CPD: variants seen among roughly 807,000 people sequenced by gnomAD.
CPD encodes the protein carboxypeptidase D, also known as metallocarboxypeptidase D.
In CPD, 69 loss-of-function variants were observed where a neutral mutation model predicts 138.3. That is an observed-to-expected ratio of 0.50 (90% confidence interval 0.41 to 0.61). CPD has a LOEUF of 0.61. Among genes scored for constraint, CPD ranks in the 20% least tolerant of loss-of-function variants. The pLI is 0.00. For synonymous variants in CPD, 651 were observed against 642.1 expected (o/e 1.01, Z -0.21); for missense variants, 1,432 against 1,733.3 (o/e 0.83, Z 3.09).
chr17:30,462,858 G>T (rs1305512054), intron 20 of CPD, among the ~76,000 whole-genome samples: 1 of 152,202 alleles, frequency 6.6e-6, no homozygotes, highest in East Asian at 1.9e-4. Context: ...TTAGCTGAAA[G>T]TATCCTTTAT....
In CPD at chr17:30,379,534, A is replaced by G; in HGVS notation, c.554A>G (p.Asp185Gly). 2.6e-6 allele frequency: 4 copies of G among 1,561,552 alleles called. No individual in the cohort carries two copies. Among genetic ancestry groups the G allele is most frequent in the Non-Finnish European group, 3.4e-6 (4 of 1,160,376 alleles). The stretch of plus-strand genomic sequence containing the variant: ...TACCTGCTGCCCAGCCTCAACCCCG[A>G]TGGCTTCGAGCGTGCCCGCGAGGGC... ...DVYLLPSLNP[D>G]GFERAREGDC... The change falls in exon 1 of 21, where the codon GAT becomes GGT. Residue 185 changes from aspartate (D) to glycine (G), a missense_variant. This residue lies in a region of CPD where 484 missense variants were observed against 477.2 expected (regional missense o/e 1.01). Transcript: ENST00000225719. The surrounding 1 kb of genome is among the most constrained non-coding windows in gnomAD (Gnocchi z 7.0).
intron 2 of CPD, among the ~76,000 whole-genome samples, chr17:30,410,397 A>G (rs532517068): frequency 7.2e-5 from 11 of 152,284 alleles, no homozygotes; most frequent in African/African-American, 2.6e-4. Context: ...GCTGAGTTCA[A>G]TTCCTGGATA....
At chr17:30,457,149 G>A (rs1913322660) in intron 17 of CPD, among the ~76,000 whole-genome samples, 1 of 152,006 alleles carries the variant, frequency 6.6e-6, no homozygotes, top group Non-Finnish European at 1.5e-5. Context: ...CCTCTCCCAC[G>A]GCTCCTGGAA....
intron 8 of CPD, among the ~76,000 whole-genome samples, chr17:30,435,278 A>G (rs1377414128): frequency 1.3e-5 from 2 of 152,182 alleles, no homozygotes; most frequent in Admixed American, 6.5e-5. Context: ...AGTAATTAAG[A>G]CAGTGTGGTA....
intron 20 of CPD, 44 bp from the exon 21 acceptor site, chr17:30,464,544 C>A: frequency 6.6e-7 from 1 of 1,516,300 alleles, no homozygotes; most frequent in Non-Finnish European, 9.1e-7. Context: ...TTATTAATAT[C>A]CTTAAAGTAT....
At chr17:30,423,409 T>G in intron 5 of CPD, 97 bp from the exon 6 acceptor site, 1 of 886,804 alleles carries the variant, frequency 1.1e-6, no homozygotes, top group Non-Finnish European at 1.6e-6. Context: ...GTTTAAAAAA[T>G]TTTTTAGTAT....
chr17:30,429,002 G>C (rs529291506), intron 7 of CPD, among the ~76,000 whole-genome samples: 2 of 152,210 alleles, frequency 1.3e-5, no homozygotes, highest in South Asian at 4.2e-4. Flanking sequence ...AGAGTAGCCT[G>C]CCATTTTAGA....
At chr17:30,434,152 A>G (rs1351951051) in intron 8 of CPD, among the ~76,000 whole-genome samples, 1 of 152,210 alleles carries the variant, frequency 6.6e-6, no homozygotes, top group Non-Finnish European at 1.5e-5. Flanking sequence ...GCAGCCAAAG[A>G]CAATGATGGC....
chr17:30,462,326 C>T (rs951524268), intron 19 of CPD, 44 bp from the exon 20 acceptor site: 6 of 1,502,562 alleles, frequency 4.0e-6, no homozygotes, highest in Admixed American at 3.4e-5. Context: ...ATACAGTACA[C>T]CTTAAGCAGA....
chr17:30,410,233 G>T (rs561423351), intron 2 of CPD, among the ~76,000 whole-genome samples: 3 of 152,122 alleles, frequency 2.0e-5, no homozygotes, highest in South Asian at 4.2e-4. Context: ...AGTTTGTTGT[G>T]ATTTCTGTTC....
Position 30,464,748 on chromosome 17 carries a change from C to T in CPD, c.4077C>T (p.Leu1359=), listed in dbSNP as rs868125484. The T allele has an allele frequency of 6.2e-7, 1 of 1,614,000 alleles. No individual in the cohort carries two copies. The highest frequency in any genetic ancestry group is 1.1e-5 in the South Asian group (1 of 91,072). Residue 1359 remains leucine, a synonymous_variant, in exon 21 of 21, where the codon CTC becomes CTT. Coordinates refer to ENST00000225719, the MANE Select transcript of CPD (RefSeq NM_001304.5). ...RMMSTGSKKS[L]LSHEFQDETD... Reference sequence around the variant, plus strand: ...TGTCTACCGGCTCCAAGAAGTCCCTCCTAAGCCATGAGTTCCAGGATGAAA... The same window carrying T: ...TGTCTACCGGCTCCAAGAAGTCCCTTCTAAGCCATGAGTTCCAGGATGAAA...
chr17:30,456,199 TGGG>T (rs1567884091), intron 15 of CPD, 54 bp from the exon 16 acceptor site: 3 of 1,401,844 alleles, frequency 2.1e-6, no homozygotes, highest in Non-Finnish European at 3.0e-6. Context: ...AAGGTTAACT[TGGG>T]GGAAAAAAAT....
intron 1 of CPD, among the ~76,000 whole-genome samples, chr17:30,381,852 C>T (rs151075868): frequency 9.3e-5 from 14 of 151,248 alleles, no homozygotes; most frequent in South Asian, 4.1e-4. Flanking sequence ...GTTGTTATTT[C>T]GAATATGTAA....
intron 2 of CPD, among the ~76,000 whole-genome samples, chr17:30,389,090 A>G (rs1911276417): frequency 6.6e-6 from 1 of 151,364 alleles, no homozygotes; most frequent in African/African-American, 2.4e-5. Context: ...TGACTACATT[A>G]CTCCCCCGCT....
intron 7 of CPD, among the ~76,000 whole-genome samples, chr17:30,431,023 C>T (rs1287019414): frequency 1.3e-5 from 2 of 152,164 alleles, no homozygotes; most frequent in Admixed American, 6.5e-5. Context: ...CCATGTTAAG[C>T]TTTTTGAGGA....
At chr17:30,449,068 A>G (rs191921117) in intron 12 of CPD, among the ~76,000 whole-genome samples, 1 of 152,252 alleles carries the variant, frequency 6.6e-6, no homozygotes, top group African/African-American at 2.4e-5. Context: ...TGATCAAGCC[A>G]TTGCATTCCA....
At chr17:30,391,581 G>T (rs1174206293) in intron 2 of CPD, among the ~76,000 whole-genome samples, 1 of 152,178 alleles carries the variant, frequency 6.6e-6, no homozygotes, top group Admixed American at 6.5e-5. Flanking sequence ...ACAGTAGAAG[G>T]CAGTGCAATG....
intron 2 of CPD, among the ~76,000 whole-genome samples, chr17:30,418,175 A>G (rs1037207038): frequency 2.9e-5 from 4 of 136,182 alleles, no homozygotes; most frequent in African/African-American, 1.0e-4. Flanking sequence ...TCTATTATTA[A>G]TATCATTTTT....
chr17:30,395,822 T>G (rs931232917), intron 2 of CPD, among the ~76,000 whole-genome samples: 2 of 152,068 alleles, frequency 1.3e-5, no homozygotes, highest in Non-Finnish European at 2.9e-5. Context: ...ACTGTGTAAT[T>G]TAGTTTAACT....
Sources: gnomAD v4.1 joint callset for allele counts (sites outside exome capture counted in the v4.1 genomes callset) on GRCh38, gnomAD v4.1.1 for gene constraint, gnomAD v4.1.1 regional missense constraint, Gnocchi (gnomAD v3.1) non-coding constraint, MANE v1.5 for transcripts, NCBI Gene and HGNC (gene_info 2026-07-23, HGNC 2026-07-21) for gene names.